Variants in BTBD9 observed in about 807,000 individuals in gnomAD.
BTBD9 encodes the protein BTB domain containing 9.
A neutral mutation model predicts 64.3 loss-of-function variants in BTBD9; 49 were observed. The ratio of observed to expected loss-of-function variants is 0.76; its 90% CI spans 0.61 to 0.97. The LOEUF (loss-of-function observed/expected upper bound fraction) is 0.97, where lower values mean the gene tolerates loss of function less well. BTBD9 is among the 50% of genes least tolerant of loss of function. The pLI is 0.00. For missense variants in BTBD9, 598 were observed against 762.1 expected (o/e 0.78, Z 2.53); for synonymous variants, 260 against 274.7 (o/e 0.95, Z 0.53).
At chr6:38,397,724 C>T (rs950527713) in intron 6 of BTBD9, among the ~76,000 whole-genome samples, 1 of 151,954 alleles carries the variant, frequency 6.6e-6, no homozygotes, top group Admixed American at 6.6e-5. Flanking sequence ...CACAAACAAA[C>T]ACATTAAGAA....
chr6:38,375,331 C>T (rs1765638546), intron 6 of BTBD9, among the ~76,000 whole-genome samples: 1 of 152,148 alleles, frequency 6.6e-6, no homozygotes, highest in African/African-American at 2.4e-5. Flanking sequence ...CTGCCCCCAG[C>T]GTCAAATATT....
At chr6:38,239,407 T>C (rs1209474212) in intron 9 of BTBD9, among the ~76,000 whole-genome samples, 1 of 145,906 alleles carries the variant, frequency 6.9e-6, no homozygotes, top group Non-Finnish European at 1.5e-5. Context: ...GCCACTGCAT[T>C]GTAGCCTGGC....
At chr6:38,620,130 T>G (rs1450902440) in intron 1 of BTBD9, among the ~76,000 whole-genome samples, 1 of 152,158 alleles carries the variant, frequency 6.6e-6, no homozygotes, top group Non-Finnish European at 1.5e-5. Context: ...TATTTAAAAG[T>G]TCAAGGGTTA....
At chr6:38,521,660 C>A (rs1304498897) in intron 6 of BTBD9, among the ~76,000 whole-genome samples, 1 of 151,996 alleles carries the variant, frequency 6.6e-6, no homozygotes, top group South Asian at 2.1e-4. Context: ...TGAATTCACT[C>A]ATTTCTACCT....
intron 6 of BTBD9, among the ~76,000 whole-genome samples, chr6:38,448,097 G>A (rs761302951): frequency 3.3e-5 from 5 of 152,132 alleles, no homozygotes; most frequent in Admixed American, 2.0e-4. Context: ...AGGGACATAC[G>A]GGAGGAACCA....
chr6:38,316,421 CTA>C (rs1019228488), intron 7 of BTBD9, among the ~76,000 whole-genome samples: 4 of 152,140 alleles, frequency 2.6e-5, no homozygotes, highest in African/African-American at 9.6e-5. Context: ...TTTTCTGGTG[CTA>C]TGTTTTAATT....
chr6:38,431,727 T>A (rs550151405), intron 6 of BTBD9, among the ~76,000 whole-genome samples: 2 of 152,032 alleles, frequency 1.3e-5, no homozygotes, highest in East Asian at 1.9e-4. Context: ...TCTAGACTGA[T>A]AAATGAATAG....
intron 8 of BTBD9, among the ~76,000 whole-genome samples, chr6:38,274,847 C>T (rs572333223): frequency 6.6e-6 from 1 of 152,046 alleles, no homozygotes; most frequent in Admixed American, 6.6e-5. Context: ...TCTCTTTGTT[C>T]GTTGTGTCTC....
chr6:38,505,929 C>T (rs1160871886), intron 6 of BTBD9, among the ~76,000 whole-genome samples: 2 of 135,376 alleles, frequency 1.5e-5, no homozygotes, highest in East Asian at 4.2e-4. Context: ...TGTGCCACCG[C>T]ATTCCAGCCT....
At chr6:38,182,981 C>CT (rs34180118) in intron 10 of BTBD9, among the ~76,000 whole-genome samples, 78 of 142,956 alleles carry the variant, frequency 5.5e-4, no homozygotes, top group East Asian at 4.9e-3. Flanking sequence ...AAAAGGTCTT[C>CT]TTTTTTTTTT....
chr6:38,177,463 C>T lies in BTBD9; in HGVS notation c.1642-2281G>A, dbSNP rs143323502. Among the ~76,000 whole-genome samples the T allele has an allele frequency of 3.3e-3, 503 of 152,324 alleles. 6 individuals carry two copies. The highest frequency in any genetic ancestry group is 0.011 in the African/African-American group (461 of 41,562). ...CAAGGACCAAGGCTTAGTCGTCCTT[C>T]TACCTGCTCGGGTTCTTGCACAAGA... On this transcript the variant is annotated intron_variant, in intron 10 of 10. Transcript: ENST00000481247.
chr6:38,530,589 T>C (rs1003988248), intron 6 of BTBD9, among the ~76,000 whole-genome samples: 7 of 97,456 alleles, frequency 7.2e-5, no homozygotes, highest in African/African-American at 1.8e-4. Context: ...AGAACCTACA[T>C]TGAAATATTG....
chr6:38,416,336 A>AC (rs1465381653), intron 6 of BTBD9, among the ~76,000 whole-genome samples: 1 of 139,554 alleles, frequency 7.2e-6, no homozygotes, highest in Non-Finnish European at 1.6e-5. Context: ...CCCCCTCTGT[A>AC]CTTTTTTTTT....
intron 6 of BTBD9, among the ~76,000 whole-genome samples, chr6:38,563,283 C>T (rs984867713): frequency 1.3e-5 from 2 of 152,124 alleles, no homozygotes; most frequent in Admixed American, 1.3e-4. Context: ...CTAGCCCAGA[C>T]CTCCTTTTCC....
chr6:38,304,831 G>A (rs1340052670), intron 7 of BTBD9, among the ~76,000 whole-genome samples: 1 of 152,106 alleles, frequency 6.6e-6, no homozygotes, highest in East Asian at 1.9e-4. Flanking sequence ...AGGACCTAAG[G>A]CACAAGCCCA....
chr6:38,540,219 C>G (rs1039832973), intron 6 of BTBD9, among the ~76,000 whole-genome samples: 10 of 152,170 alleles, frequency 6.6e-5, no homozygotes, highest in African/African-American at 2.4e-4. Flanking sequence ...TATCAAACAA[C>G]TTTTTGGCCT....
At chr6:38,439,783 T>C (rs1768938962) in intron 6 of BTBD9, among the ~76,000 whole-genome samples, 1 of 152,104 alleles carries the variant, frequency 6.6e-6, no homozygotes, top group Non-Finnish European at 1.5e-5. Flanking sequence ...AGCCTCAAAC[T>C]CCTGGGCTCA....
At chr6:38,535,576 G>A (rs767454251) in intron 6 of BTBD9, among the ~76,000 whole-genome samples, 3 of 151,970 alleles carry the variant, frequency 2.0e-5, no homozygotes, top group Non-Finnish European at 4.4e-5. Flanking sequence ...GGACACAACT[G>A]AAGGGAATCA....
chr6:38,345,067 TTG>T lies in BTBD9; in HGVS notation c.1179_1180del (p.His393GlnfsTer13). ...AATGTGAAAAATCTTGTTCACTGTG[TTG>T]TGAGTCCCAACAATTCGAATATACC... On this transcript the variant is annotated frameshift_variant, in exon 7 of 11. Transcript: ENST00000481247. LOFTEE classifies it high-confidence loss of function. 6.2e-7 allele frequency: 1 copy of T among 1,608,242 alleles called. No homozygotes were observed. Among genetic ancestry groups the T allele is most frequent in the Non-Finnish European group, 8.5e-7 (1 of 1,176,204 alleles).
Sources: allele counts gnomAD v4.1 joint callset (sites outside exome capture counted in the v4.1 genomes callset), GRCh38; gene constraint gnomAD v4.1.1; transcripts MANE v1.5; gene names NCBI Gene and HGNC (gene_info 2026-07-23, HGNC 2026-07-21).